PADI1: variants seen among roughly 807,000 people sequenced by gnomAD.
PADI1 encodes the protein protein-arginine deiminase type-1.
In PADI1, 65 loss-of-function variants were observed where a neutral mutation model predicts 74.8. The observed-to-expected ratio is 0.87, with a 90% CI of 0.71 to 1.07. The LOEUF is 1.07. Among genes scored for constraint, PADI1 ranks in the 50% least tolerant of loss-of-function variants. The probability of loss-of-function intolerance (pLI) is 0.00; values close to 1 mark genes in which losing one functional copy is unlikely to be tolerated. For synonymous variants in PADI1, 371 were observed against 336.2 expected, an observed-to-expected ratio of 1.10 and a Z score of -1.13; for missense variants, 943 against 854.0, an observed-to-expected ratio of 1.10 and a Z score of -1.30.
intron 1 of PADI1, among the ~76,000 whole-genome samples, chr1:17,206,842 C>T (rs903509465): frequency 2.6e-5 from 4 of 152,048 alleles, no homozygotes; most frequent in East Asian, 3.9e-4. Context: ...CCATCACACT[C>T]GGCTAATTTT....
intron 6 of PADI1, among the ~76,000 whole-genome samples, chr1:17,226,771 C>T (rs1380628023): frequency 3.9e-5 from 6 of 152,020 alleles, no homozygotes; most frequent in Admixed American, 1.3e-4. Context: ...AAAATTAGGC[C>T]GGGCACGGTG....
At chr1:17,206,531 C>T (rs977967123) in intron 1 of PADI1, among the ~76,000 whole-genome samples, 2 of 152,106 alleles carry the variant, frequency 1.3e-5, no homozygotes, top group South Asian at 4.1e-4. Context: ...TTAACATAGG[C>T]TTGCCAGATT....
At chr1:17,225,981 T>G (rs1484676294) in intron 5 of PADI1, 52 bp from the exon 6 acceptor site, 5 of 1,611,354 alleles carry the variant, frequency 3.1e-6, no homozygotes, top group East Asian at 2.2e-5. Flanking sequence ...TGGAAGTGGA[T>G]CCTGTTGGTG....
intron 1 of PADI1, among the ~76,000 whole-genome samples, chr1:17,206,981 A>G (rs58481276): frequency 0.071 from 10,851 of 152,152 alleles, 1,252 homozygotes; most frequent in African/African-American, 0.24. Flanking sequence ...GTACCTGGCC[A>G]CTAAAGCTGA....
chr1:17,239,437 G>T (rs2072725342), intron 13 of PADI1, among the ~76,000 whole-genome samples: 1 of 152,198 alleles, frequency 6.6e-6, no homozygotes, highest in Non-Finnish European at 1.5e-5. Context: ...GAGCATGGCA[G>T]ACATTCAATA....
intron 1 of PADI1, among the ~76,000 whole-genome samples, chr1:17,211,218 G>GC (rs1393369215): frequency 6.6e-6 from 1 of 150,980 alleles, no homozygotes; most frequent in African/African-American, 2.4e-5. Flanking sequence ...TTTTGTTTTT[G>GC]TTTTTTTTTG....
intron 14 of PADI1, chr1:17,240,203 G>C (rs1022120478): frequency 1.2e-5 from 3 of 240,012 alleles, no homozygotes; most frequent in African/African-American, 6.6e-5. Flanking sequence ...CTCACCCCAA[G>C]GATAAAAAAT....
rs764073038 is a variant in PADI1 at position 17,228,794 on chromosome 1, G to C, written c.822G>C (p.Pro274=). The C allele has an allele frequency of 5.0e-6, 8 of 1,613,392 alleles. No individual in the cohort carries two copies. The highest frequency in any genetic ancestry group is 5.9e-6 in the Non-Finnish European group (7 of 1,179,682). The change falls in exon 7 of 16, where the codon CCG becomes CCC. Residue 274 remains proline, a synonymous_variant. Transcript: ENST00000375471. ...CCCTCAGTGTCAGCCTGGTGGACCC[G>C]GGGGTGTGTACAGCACTGGGGGGTG... ...LVSLSVSLVD[P]GTLPEVTLFT...
chr1:17,225,633 TG>T (rs1256979646), intron 4 of PADI1, among the ~76,000 whole-genome samples, 177 bp from the exon 5 acceptor site: 1 of 152,190 alleles, frequency 6.6e-6, no homozygotes, highest in Non-Finnish European at 1.5e-5. Flanking sequence ...AAGGATGAGG[TG>T]GGTCTAGAGC....
chr1:17,210,010 C>T (rs2100395641), intron 1 of PADI1, among the ~76,000 whole-genome samples: 1 of 151,692 alleles, frequency 6.6e-6, no homozygotes, highest in South Asian at 2.1e-4. Flanking sequence ...ATGCACCACC[C>T]CGTATTTTTA....
Position 17,228,985 on chromosome 1 carries a change from G to GCTTC in PADI1, c.865_868dup (p.Arg290LeufsTer16). 1 of 1,598,590 alleles carries GCTTC rather than the reference G, an allele frequency of 6.3e-7. No homozygotes were observed. The highest frequency in any genetic ancestry group is 1.3e-5 in the African/African-American group (1 of 74,776). ...GTGACCCTCTTCACAGACACTGTGG[G>GCTTC]CTTCCGCATGGCCCCCTGGATCATG... On this transcript the variant is annotated frameshift_variant, in exon 8 of 16. Transcript: ENST00000375471. LOFTEE classifies it high-confidence loss of function.
Position 17,224,064 on chromosome 1 carries a change from T to C in PADI1, c.347-303T>C, listed in dbSNP as rs182984357. Among the ~76,000 whole-genome samples, 378 of 152,330 alleles carry C rather than the reference T, an allele frequency of 2.5e-3. 4 individuals carry two copies. Among genetic ancestry groups the C allele is most frequent in the South Asian group, 0.017 (84 of 4,828 alleles). ...ACCCAGCCCCTGCAACCTCAGGCCA[T>C]GTCCCCAGTTCTCAGAGTTTGGGGT... On this transcript the variant is annotated intron_variant, in intron 3 of 15. Coordinates refer to ENST00000375471, the MANE Select transcript of PADI1 (RefSeq NM_013358.3).
At position 17,245,015 on chromosome 1, in the gene PADI1, G is replaced by A. The variant is rs902186377; in HGVS notation, c.*772G>A. The A allele has an allele frequency of 1.8e-5, 3 of 165,640 alleles. No individual in the cohort carries two copies. The highest frequency in any genetic ancestry group is 1.8e-4 in the East Asian group (1 of 5,610). The allele number at this position is 165,640 out of a possible 1,614,324, so 10.3% of individuals were successfully genotyped here. ...CACACAAAGGATGACGGGGCAGGAG[G>A]GGATGAGGTCAGGGTAGCAGAGTGT... On this transcript the variant is annotated 3_prime_UTR_variant, in exon 16 of 16. Transcript: ENST00000375471. This position sits in a 1 kb window ranked among gnomAD's most constrained non-coding sequence, Gnocchi z 4.1.
At chr1:17,224,815 C>G (rs1392677565) in intron 4 of PADI1, among the ~76,000 whole-genome samples, 1 of 151,958 alleles carries the variant, frequency 6.6e-6, no homozygotes, top group African/African-American at 2.4e-5. Context: ...GTAGAGGAGG[C>G]TATGGTGGTC....
rs769571573 is a variant in PADI1, at chr1:17,225,855, G to A, written c.453G>A (p.Leu151=). The change falls in exon 5 of 16, where the codon CTG becomes CTA. Residue 151 remains leucine, a synonymous_variant. Transcript: ENST00000375471. ...CTGAGGGCTATGGGGCTATCTTGCT[G>A]GTGAACTGTGACCGGGACAATCACA... is the stretch of plus-strand genomic sequence containing the variant. ...WGPEGYGAIL[L]VNCDRDNHRS... The A allele has an allele frequency of 6.2e-7, 1 of 1,614,176 alleles. No individual in the cohort carries two copies. The highest frequency in any genetic ancestry group is 1.7e-5 in the Admixed American group (1 of 60,024).
At chr1:17,211,200 T>TTTTTTG (rs1553124285) in intron 1 of PADI1, among the ~76,000 whole-genome samples, 10 of 151,450 alleles carry the variant, frequency 6.6e-5, no homozygotes, top group South Asian at 4.2e-4. Flanking sequence ...GCAGCCCTGG[T>TTTTTTG]TTTTTGTTTT....
intron 1 of PADI1, among the ~76,000 whole-genome samples, chr1:17,208,796 G>T (rs116474575): frequency 5.9e-5 from 9 of 152,358 alleles, no homozygotes; most frequent in African/African-American, 2.2e-4. Context: ...GGAAGTGTGA[G>T]GAATCCATCT....
chr1:17,239,908 C>T, intron 14 of PADI1, 125 bp downstream of exon 14: 2 of 743,568 alleles, frequency 2.7e-6, no homozygotes, highest in Non-Finnish European at 4.6e-6. Context: ...GCTGCTGGGG[C>T]CTGCAGGTGG....
intron 11 of PADI1, among the ~76,000 whole-genome samples, chr1:17,235,293 G>GGAAGGAAGGAAGGAAGGAAGGAAGGAA (rs1557479110): frequency 9.6e-5 from 6 of 62,820 alleles, no homozygotes; most frequent in Admixed American, 1.8e-4. Context: ...GAAGGAAGGA[G>GGAAGGAAGGAAGGAAGGAAGGAAGGAA]GGAAGGAAGG....
Sources: gnomAD v4.1 joint callset for allele counts (sites outside exome capture counted in the v4.1 genomes callset) on GRCh38, gnomAD v4.1.1 for gene constraint, Gnocchi (gnomAD v3.1) non-coding constraint, MANE v1.5 for transcripts, NCBI Gene and HGNC (gene_info 2026-07-23, HGNC 2026-07-21) for gene names.